Variants in MTMR3 observed in about 807,000 individuals in gnomAD.
The protein encoded by MTMR3 is myotubularin related protein 3.
In MTMR3, 32 loss-of-function variants were observed where a neutral mutation model predicts 132.4. That is an observed-to-expected ratio of 0.24 (90% CI 0.18 to 0.32). The LOEUF is 0.32. Among genes scored for constraint, MTMR3 ranks in the 10% least tolerant of loss-of-function variants. The pLI is 1.00. For synonymous variants in MTMR3, 556 were observed against 550.3 expected (o/e 1.01, Z -0.14); for missense variants, 1,216 against 1,489.6 (o/e 0.82, Z 3.02).
intron 1 of MTMR3, among the ~76,000 whole-genome samples, chr22:29,917,428 C>T (rs2065329962): frequency 6.6e-6 from 1 of 152,166 alleles, no homozygotes; most frequent in Admixed American, 6.5e-5. Flanking sequence ...TTGCTTCACC[C>T]CAGGAGTTCA....
At chr22:29,975,864 C>A (rs754486896) in intron 3 of MTMR3, among the ~76,000 whole-genome samples, 8 of 152,218 alleles carry the variant, frequency 5.3e-5, no homozygotes, top group African/African-American at 1.9e-4. Context: ...CTGTAGCCCC[C>A]CAAAGTGCTG....
intron 5 of MTMR3, chr22:29,983,543 C>T (rs1451249552): frequency 6.6e-6 from 1 of 152,212 alleles, no homozygotes; most frequent in East Asian, 1.9e-4. Flanking sequence ...ACAGTGGGAG[C>T]CTCTGAAAGC....
intron 1 of MTMR3, among the ~76,000 whole-genome samples, chr22:29,923,940 A>G (rs1339207733): frequency 6.6e-6 from 1 of 152,220 alleles, no homozygotes; most frequent in Non-Finnish European, 1.5e-5. Context: ...TATTCTAAAC[A>G]TTCCTTAACA....
At chr22:29,968,437 G>A (rs934085220) in intron 2 of MTMR3, among the ~76,000 whole-genome samples, 9 of 152,110 alleles carry the variant, frequency 5.9e-5, no homozygotes, top group African/African-American at 1.9e-4. Flanking sequence ...AAGTAATTCA[G>A]TATGTTTCTT....
intron 16 of MTMR3, chr22:30,018,502 G>T (rs910908793): frequency 1.3e-5 from 2 of 157,510 alleles, no homozygotes; most frequent in African/African-American, 4.8e-5. Flanking sequence ...AGCACTTTGG[G>T]AGGCCAAGGT....
At chr22:29,984,001 T>C (rs1389462852) in intron 5 of MTMR3, 4 of 151,968 alleles carry the variant, frequency 2.6e-5, no homozygotes, top group Non-Finnish European at 5.9e-5. Flanking sequence ...TATGTTATTG[T>C]AGTGACAGGG....
At chr22:30,023,157 C>G in intron 19 of MTMR3, 2 of 460,084 alleles carry the variant, frequency 4.3e-6, no homozygotes, top group Non-Finnish European at 4.0e-6. Flanking sequence ...CAGCTGAGGA[C>G]AGTCTTCCAA....
chr22:30,022,184 T>A (rs115657221), intron 18 of MTMR3, 45 bp downstream of exon 18: 1 of 1,491,810 alleles, frequency 6.7e-7, no homozygotes, highest in Admixed American at 1.7e-5. Flanking sequence ...TTTAACTGTT[T>A]TGTGGTTCTT....
At chr22:29,910,951 G>A (rs2145746973) in intron 1 of MTMR3, among the ~76,000 whole-genome samples, 2 of 152,300 alleles carry the variant, frequency 1.3e-5, no homozygotes, top group South Asian at 4.1e-4. Context: ...TAATTCCTAA[G>A]TTGTATCCTT....
intron 14 of MTMR3, chr22:30,015,514 T>TCCCTCCCTCCTTCCC (rs1491552898): frequency 1.1e-5 from 1 of 90,646 alleles, no homozygotes; most frequent in Non-Finnish European, 2.1e-5. Flanking sequence ...CCCTCCCTCC[T>TCCCTCCCTCCTTCCC]TCCCTCCCTC....
intron 8 of MTMR3, chr22:30,001,961 A>G (rs2145926890): frequency 6.6e-6 from 1 of 152,252 alleles, no homozygotes. Flanking sequence ...GCTTTCTGCT[A>G]TGTATAGGAT....
At chr22:30,015,514 T>TCCG (rs1491552898) in intron 14 of MTMR3, 1 of 90,646 alleles carries the variant, frequency 1.1e-5, no homozygotes. Flanking sequence ...CCCTCCCTCC[T>TCCG]TCCCTCCCTC....
At chr22:29,912,090 G>A (rs934987672) in intron 1 of MTMR3, among the ~76,000 whole-genome samples, 1 of 151,722 alleles carries the variant, frequency 6.6e-6, no homozygotes, top group Non-Finnish European at 1.5e-5. Context: ...GTAAGCATTA[G>A]TGAACTTGTA....
At chr22:30,009,165 T>C in intron 12 of MTMR3, 36 bp downstream of exon 12, 1 of 1,338,666 alleles carries the variant, frequency 7.5e-7, no homozygotes, top group Non-Finnish European at 1.1e-6. Context: ...TTTGCATTGC[T>C]CTTAAATAAT....
chr22:29,903,820 T>G, intron 1 of MTMR3, among the ~76,000 whole-genome samples: 1 of 152,190 alleles, frequency 6.6e-6, no homozygotes, highest in Non-Finnish European at 1.5e-5. Context: ...TTCCTTCTGA[T>G]GTTGAATATT....
At chr22:29,885,803 G>GC (rs1345732574) in intron 1 of MTMR3, among the ~76,000 whole-genome samples, 1 of 152,212 alleles carries the variant, frequency 6.6e-6, no homozygotes, top group Non-Finnish European at 1.5e-5. Context: ...TGTAGTTCTA[G>GC]TTAACACGTT....
chr22:30,023,042 C>T (rs571149017), intron 19 of MTMR3: 49 of 394,036 alleles, frequency 1.2e-4, no homozygotes, highest in Non-Finnish European at 2.0e-4. Context: ...AGTTTTCCTG[C>T]GATGGGGAGG....
intron 2 of MTMR3, among the ~76,000 whole-genome samples, chr22:29,962,486 G>A (rs1366230147): frequency 2.6e-5 from 4 of 152,066 alleles, no homozygotes; most frequent in Admixed American, 2.6e-4. Context: ...GGACAACATG[G>A]TGTGAGCCTC....
intron 1 of MTMR3, among the ~76,000 whole-genome samples, chr22:29,914,429 A>G (rs2065271662): frequency 6.6e-6 from 1 of 152,180 alleles, no homozygotes; most frequent in Admixed American, 6.5e-5. Flanking sequence ...TCTTTTGCTC[A>G]TTAAAATAGG....
Sources: gnomAD v4.1 joint callset for allele counts (sites outside exome capture counted in the v4.1 genomes callset) on GRCh38, gnomAD v4.1.1 for gene constraint, MANE v1.5 for transcripts, NCBI Gene and HGNC (gene_info 2026-07-23, HGNC 2026-07-21) for gene names.